PCTP: variants seen among roughly 807,000 people sequenced by gnomAD.
PCTP encodes START domain-containing protein 2.
Under a neutral mutation model 31.0 loss-of-function variants are expected in PCTP, and 27 were observed. The ratio of observed to expected loss-of-function variants is 0.87; its 90% CI spans 0.64 to 1.20. PCTP has a LOEUF of 1.20. Among genes scored for constraint, PCTP ranks in the 50% most tolerant of loss-of-function variants. The pLI, the probability that PCTP is intolerant of heterozygous loss-of-function variation, is 0.00. For missense variants in PCTP, 287 were observed against 268.2 expected, an observed-to-expected ratio of 1.07 and a Z score of -0.49; for synonymous variants, 108 against 101.2, an observed-to-expected ratio of 1.07 and a Z score of -0.40.
chr17:55,851,402 A>G, the PCTP span, among the ~76,000 whole-genome samples: 1 of 152,220 alleles, frequency 6.6e-6, no homozygotes, highest in South Asian at 2.1e-4. Flanking sequence ...GGTTGTCTGT[A>G]AGGTGACCCA....
chr17:55,751,590 G>C (rs987566689), intron 1 of PCTP: 16 of 1,157,288 alleles, frequency 1.4e-5, no homozygotes, highest in Non-Finnish European at 1.7e-5. Flanking sequence ...ACTCTCCAAT[G>C]CGTGTCAGTG....
intron 3 of PCTP, among the ~76,000 whole-genome samples, chr17:55,813,427 A>G (rs1256771607): frequency 6.6e-6 from 1 of 151,986 alleles, no homozygotes; most frequent in Non-Finnish European, 1.5e-5. Context: ...GTGCACCAAC[A>G]TTTTTGTGTT....
rs1912311690 is a variant in PCTP at position 55,799,718 on chromosome 17, TC to T, written c.317+12066del. 3.9e-5 allele frequency among the ~76,000 whole-genome samples: 6 copies of T among 152,312 alleles called. No individual in the cohort carries two copies. In the South Asian group the frequency reaches 1.2e-3, roughly 32 times the overall value. Reference sequence around the variant, plus strand: ...TTTTGCAGTGGCTGGTACCAGTTTTTCCTTTCCATATTTAGTGCTTCCTTCA... The same window carrying T: ...TTTTGCAGTGGCTGGTACCAGTTTTTCTTTCCATATTTAGTGCTTCCTTCA... On this transcript the variant is annotated intron_variant, in intron 3 of 3. Coordinates refer to the PCTP transcript ENST00000572536.
chr17:55,831,002 C>A (rs1343811723), intron 5 of PCTP, among the ~76,000 whole-genome samples: 2 of 152,210 alleles, frequency 1.3e-5, no homozygotes, highest in Non-Finnish European at 2.9e-5. Flanking sequence ...GCTGTCGGCG[C>A]CTTCTCTTCC....
rs117796308 is a variant in PCTP, at chr17:55,757,372, T to G, written c.141+6128T>G. Among the ~76,000 whole-genome samples, 462 of 151,726 alleles carry G rather than the reference T, an allele frequency of 3.0e-3. 2 individuals carry two copies. Among genetic ancestry groups the G allele is most frequent in the Admixed American group, 4.8e-3 (73 of 15,244 alleles). On this transcript the variant is annotated intron_variant, in intron 1 of 5. Coordinates refer to ENST00000268896, the MANE Select transcript of PCTP (RefSeq NM_021213.4). Reference sequence around the variant, plus strand: ...CTGAAGTTTGAGAACCATTCTGCCATGTATCATTTCATTCAATCGTCTCAA... The same window carrying G: ...CTGAAGTTTGAGAACCATTCTGCCAGGTATCATTTCATTCAATCGTCTCAA...
chr17:55,821,859 G>A (rs138828471), intron 3 of PCTP, among the ~76,000 whole-genome samples: 68 of 152,272 alleles, frequency 4.5e-4, no homozygotes, highest in African/African-American at 1.4e-3. Context: ...TGACCAACAC[G>A]AAACAGTAGA....
intron 2 of PCTP, chr17:55,787,461 A>T (rs989405475): frequency 2.6e-5 from 4 of 151,820 alleles, no homozygotes; most frequent in African/African-American, 9.7e-5. Context: ...TCAAGCAATT[A>T]TCCCTGCCTC....
chr17:55,799,507 T>G (rs965841981), intron 3 of PCTP, among the ~76,000 whole-genome samples: 3 of 152,004 alleles, frequency 2.0e-5, no homozygotes, highest in African/African-American at 7.2e-5. Flanking sequence ...AGCACACCAA[T>G]GGGTCTTGAC....
intron 3 of PCTP, among the ~76,000 whole-genome samples, chr17:55,810,004 C>T (rs1355793347): frequency 6.6e-6 from 1 of 151,898 alleles, no homozygotes; most frequent in Non-Finnish European, 1.5e-5. Flanking sequence ...CTGTTCAAAG[C>T]AGGAAGCAAA....
intron 3 of PCTP, among the ~76,000 whole-genome samples, chr17:55,772,757 G>A (rs1911084526): frequency 6.6e-6 from 1 of 152,136 alleles, no homozygotes. Flanking sequence ...AAATATCTGA[G>A]CTCCATCCAA....
At chr17:55,829,694 A>ACT (rs981743064) in intron 5 of PCTP, among the ~76,000 whole-genome samples, 5 of 103,616 alleles carry the variant, frequency 4.8e-5, no homozygotes, top group African/African-American at 2.3e-4. Flanking sequence ...ATTTAAACAC[A>ACT]CACACACACA....
At chr17:55,833,965 T>C (rs1284505552) in intron 5 of PCTP, among the ~76,000 whole-genome samples, 1 of 152,162 alleles carries the variant, frequency 6.6e-6, no homozygotes, top group Non-Finnish European at 1.5e-5. Flanking sequence ...ATAGAGTATA[T>C]TTATAACATA....
rs1909953837 is a variant in PCTP, at chr17:55,755,362, A to G, written c.141+4118A>G. On this transcript the variant is annotated intron_variant, in intron 1 of 5. Coordinates refer to ENST00000268896, the MANE Select transcript of PCTP (RefSeq NM_021213.4). ...GGGCTCTTGAGCAAGATTTGAAACA[A>G]GAATAGAGAAAAAGAAAATTGTGAC... is the stretch of plus-strand genomic sequence containing the variant. 2.0e-5 allele frequency among the ~76,000 whole-genome samples: 3 copies of G among 152,364 alleles called. No homozygotes were observed. The South Asian group carries it at 6.2e-4, about 32-fold the overall frequency.
chr17:55,816,936 C>G (rs1308186502), intron 3 of PCTP, among the ~76,000 whole-genome samples: 1 of 152,200 alleles, frequency 6.6e-6, no homozygotes, highest in African/African-American at 2.4e-5. Context: ...TAATTGGCCA[C>G]TTTACAGTTT....
downstream of PCTP, among the ~76,000 whole-genome samples, chr17:55,843,288 T>A (rs1316738226): frequency 2.0e-5 from 3 of 152,220 alleles, no homozygotes; most frequent in East Asian, 5.8e-4. Context: ...TCTGATTATG[T>A]TTAAGGATGA....
intron 2 of PCTP, among the ~76,000 whole-genome samples, chr17:55,785,660 A>G (rs1221382626): frequency 1.3e-5 from 2 of 152,206 alleles, no homozygotes; most frequent in African/African-American, 4.8e-5. Context: ...TCTTCATAGC[A>G]ATTATCACTA....
intron 3 of PCTP, among the ~76,000 whole-genome samples, chr17:55,797,730 G>C (rs903508900): frequency 2.0e-5 from 3 of 151,994 alleles, no homozygotes; most frequent in African/African-American, 7.2e-5. Flanking sequence ...CCTGCCTCTA[G>C]TATAACTGCC....
intron 4 of PCTP, among the ~76,000 whole-genome samples, chr17:55,774,200 C>T (rs1911179689): frequency 6.6e-6 from 1 of 152,164 alleles, no homozygotes; most frequent in South Asian, 2.1e-4. Context: ...CCAGCTGGTC[C>T]TGTGGATACA....
intron 2 of PCTP, among the ~76,000 whole-genome samples, chr17:55,787,042 T>C (rs1268205077): frequency 6.6e-6 from 1 of 152,026 alleles, no homozygotes; most frequent in Admixed American, 6.6e-5. Context: ...TGTGTGTGTG[T>C]GTGTGTGTGG....
Sources: allele counts gnomAD v4.1 joint callset (sites outside exome capture counted in the v4.1 genomes callset), GRCh38; gene constraint gnomAD v4.1.1; transcripts MANE v1.5; gene names NCBI Gene and HGNC (gene_info 2026-07-23, HGNC 2026-07-21).